JAK1: variants seen among roughly 807,000 people sequenced by gnomAD.
The protein encoded by JAK1 is tyrosine-protein kinase JAK1.
JAK1 carries 16 observed loss-of-function variants against 136.6 expected under a neutral mutation model. That is an observed-to-expected ratio of 0.12 (90% CI 0.08 to 0.18). The LOEUF is 0.18. JAK1 is among the 10% of genes least tolerant of loss of function. JAK1 has a pLI of 1.00. For synonymous variants in JAK1, 492 were observed against 519.5 expected (o/e 0.95, Z 0.72); for missense variants, 859 against 1,450.1 (o/e 0.59, Z 6.62).
rs1655089871 is a variant in JAK1, at chr1:64,844,304, T to C, written c.2252-89A>G. On this transcript the variant is annotated intron_variant, in intron 16 of 24. Coordinates refer to ENST00000342505, the MANE Select transcript of JAK1 (RefSeq NM_002227.4). This position sits in a 1 kb window ranked among gnomAD's most constrained non-coding sequence, Gnocchi z 5.7. ...CACTGCAGCCAGAACAGTGAGCCAATGAAGGAACTACTTCAAGCAGTGTGC... is the reference window on the plus strand; with the variant it reads ...CACTGCAGCCAGAACAGTGAGCCAACGAAGGAACTACTTCAAGCAGTGTGC... 4.6e-6 allele frequency: 7 copies of C among 1,522,388 alleles called. No individual in the cohort carries two copies. The highest frequency in any genetic ancestry group is 1.4e-5 in the African/African-American group (1 of 73,036). 94.3% of individuals were successfully genotyped at this position (1,522,388 alleles called of 1,614,324 possible). A position where few individuals can be genotyped will look rare whatever the true frequency, so the allele number is the denominator to read the frequency against.
chr1:64,933,170 T>C (rs1367052586), intron 1 of JAK1, among the ~76,000 whole-genome samples: 3 of 152,190 alleles, frequency 2.0e-5, no homozygotes, highest in Admixed American at 1.3e-4. Context: ...GTTATCCCCA[T>C]TTACAGATGA....
In JAK1 at chr1:64,833,400, A is replaced by G. The variant is rs566363953; in HGVS notation, c.*1162T>C. On this transcript the variant is annotated 3_prime_UTR_variant, in exon 25 of 25. Transcript: ENST00000342505. ...TGGGCTCAACAGGTGAAAAGTAACAATATCAAACGAATACTAAACAGCATA... is the reference window on the plus strand; with the variant it reads ...TGGGCTCAACAGGTGAAAAGTAACAGTATCAAACGAATACTAAACAGCATA... The G allele has an allele frequency of 4.3e-6, 1 of 232,970 alleles. No individual in the cohort carries two copies. The highest frequency in any genetic ancestry group is 8.5e-6 in the Non-Finnish European group (1 of 117,584). The allele number at this position is 232,970 out of a possible 1,614,324, so 14.4% of individuals were successfully genotyped here. A position where few individuals can be genotyped will look rare whatever the true frequency, so the allele number is the denominator to read the frequency against.
chr1:65,012,876 G>A (rs929215089), intron 2 of JAK1, among the ~76,000 whole-genome samples: 2 of 149,064 alleles, frequency 1.3e-5, no homozygotes, highest in Non-Finnish European at 3.0e-5. Context: ...GGCGGATCAC[G>A]AGGTCAGGAG....
chr1:64,955,061 T>C (rs116491771), intron 1 of JAK1, among the ~76,000 whole-genome samples: 2,054 of 152,312 alleles, frequency 0.013, 45 homozygotes, highest in African/African-American at 0.047. Context: ...AGGATGTAAT[T>C]TGACCGAATT....
intron 22 of JAK1, among the ~76,000 whole-genome samples, chr1:64,837,642 T>C (rs1464458972): frequency 6.6e-6 from 1 of 152,226 alleles, no homozygotes; most frequent in Non-Finnish European, 1.5e-5. Flanking sequence ...ATCAGATGAA[T>C]GCCCTCTCCT....
At chr1:64,908,134 G>A (rs1645222601) in intron 1 of JAK1, among the ~76,000 whole-genome samples, 1 of 152,174 alleles carries the variant, frequency 6.6e-6, no homozygotes, top group Non-Finnish European at 1.5e-5. Context: ...TCTCTAAATA[G>A]TATTGGTAAT....
chr1:64,936,001 T>C (rs1416009940), intron 1 of JAK1, among the ~76,000 whole-genome samples: 1 of 152,064 alleles, frequency 6.6e-6, no homozygotes, highest in African/African-American at 2.4e-5. Context: ...CCCTTGCCCC[T>C]CCCCATTTCA....
rs565159933 is a variant in JAK1, at chr1:64,894,151, C to A, written c.-77-7810G>T. ...ACACCACTGCTCGCACAGCCTCCAC[C>A]GGTCACCAGCCATCACCAGGACTGG... On this transcript the variant is annotated intron_variant, in intron 1 of 24. Transcript: ENST00000342505. Among the ~76,000 whole-genome samples, 5 of 152,324 alleles carry A rather than the reference C, an allele frequency of 3.3e-5. 1 individual carries two copies. Among genetic ancestry groups the A allele is most frequent in the African/African-American group, 1.2e-4 (5 of 41,570 alleles).
At chr1:64,874,080 C>T (rs374128446) in intron 4 of JAK1, among the ~76,000 whole-genome samples, 3 of 152,146 alleles carry the variant, frequency 2.0e-5, no homozygotes, top group Non-Finnish European at 4.4e-5. Flanking sequence ...CATCATGAAA[C>T]GAGTTAACAA....
intron 1 of JAK1, among the ~76,000 whole-genome samples, chr1:64,901,221 T>C (rs1009647065): frequency 2.0e-5 from 3 of 152,190 alleles, no homozygotes; most frequent in African/African-American, 7.2e-5. Context: ...CAGCATGCCT[T>C]CTCTGACTAT....
chr1:64,884,640 C>T (rs116026564), intron 2 of JAK1, among the ~76,000 whole-genome samples: 19 of 152,312 alleles, frequency 1.2e-4, no homozygotes, highest in African/African-American at 4.3e-4. Flanking sequence ...CTACTTCTCA[C>T]CCTCCTGCCT....
In JAK1 at chr1:64,984,806, G is replaced by A. The variant is rs534061343; in HGVS notation, c.-78+59674C>T. The stretch of plus-strand genomic sequence containing the variant: ...GGAAGTCGGTGAAGATAATAAAAAC[G>A]TAGGCTCCTAAATAGTAAGCAGCAG... On this transcript the variant is annotated intron_variant, in intron 2 of 25. Coordinates refer to the JAK1 transcript ENST00000671954. This position sits in a 1 kb window ranked among gnomAD's most constrained non-coding sequence, Gnocchi z 4.1. 149 of 1,073,174 alleles carry A rather than the reference G, an allele frequency of 1.4e-4. No individual in the cohort carries two copies. The highest frequency in any genetic ancestry group is 1.1e-3 in the Admixed American group (54 of 48,436). The allele number at this position is 1,073,174 out of a possible 1,614,324, so 66.5% of individuals were successfully genotyped here.
chr1:64,960,949 T>C (rs1447540883), intron 1 of JAK1, among the ~76,000 whole-genome samples: 1 of 152,202 alleles, frequency 6.6e-6, no homozygotes, highest in East Asian at 1.9e-4. Context: ...GACAATGGTG[T>C]TTGCCCTCCA....
At chr1:64,862,018 T>C (rs550792251) in intron 8 of JAK1, among the ~76,000 whole-genome samples, 3 of 152,274 alleles carry the variant, frequency 2.0e-5, no homozygotes, top group Non-Finnish European at 2.9e-5. Flanking sequence ...GCCAAGGAGA[T>C]GTAGAGAGAA....
Position 64,844,809 on chromosome 1 carries a change from G to T in JAK1, c.2196C>A (p.Gly732=). 2.5e-6 allele frequency: 4 copies of T among 1,614,160 alleles called. No homozygotes were observed. The highest frequency in any genetic ancestry group is 3.4e-6 in the Non-Finnish European group (4 of 1,180,016). The change falls in exon 16 of 25, where the codon GGC becomes GGA. Residue 732 remains glycine (G), a synonymous_variant. Transcript: ENST00000342505. The surrounding 1 kb of genome is among the most constrained non-coding windows in gnomAD (Gnocchi z 5.7). ...LAREGIDSEC[G]PFIKLSDPGI... is the part of the protein sequence containing the mutation. Reference sequence around the variant, plus strand: ...CGGGGTCACTGAGCTTGATGAATGGGCCACACTCACTGTCGATGCCCTCAC... The same window carrying T: ...CGGGGTCACTGAGCTTGATGAATGGTCCACACTCACTGTCGATGCCCTCAC...
chr1:64,992,068 A>G (rs912659496), intron 2 of JAK1: 4 of 152,210 alleles, frequency 2.6e-5, no homozygotes, highest in Non-Finnish European at 5.9e-5. Context: ...CTCAATGGAA[A>G]AAGCATATCC....
chr1:64,881,039 CAGGAG>C (rs1644764594), intron 3 of JAK1, among the ~76,000 whole-genome samples: 1 of 151,964 alleles, frequency 6.6e-6, no homozygotes, highest in Non-Finnish European at 1.5e-5. Flanking sequence ...GAGGCTAAAG[CAGGAG>C]GATCACTTGA....
chr1:64,947,842 T>G (rs1646015221), intron 1 of JAK1, among the ~76,000 whole-genome samples: 1 of 151,952 alleles, frequency 6.6e-6, no homozygotes, highest in Non-Finnish European at 1.5e-5. Context: ...GCCAGAATAC[T>G]CTTATACCTC....
intron 2 of JAK1, among the ~76,000 whole-genome samples, chr1:65,008,150 C>T (rs1157985577): frequency 1.3e-5 from 2 of 152,116 alleles, no homozygotes; most frequent in Admixed American, 6.6e-5. Flanking sequence ...GGTAGAAATC[C>T]AGGAAGCCAC....
Sources: gnomAD v4.1 joint callset for allele counts (sites outside exome capture counted in the v4.1 genomes callset) on GRCh38, gnomAD v4.1.1 for gene constraint, Gnocchi (gnomAD v3.1) non-coding constraint, MANE v1.5 for transcripts, NCBI Gene and HGNC (gene_info 2026-07-23, HGNC 2026-07-21) for gene names.